Variants in DNAJC3 observed in about 807,000 individuals in gnomAD.
DNAJC3 encodes the protein dnaJ homolog subfamily C member 3.
A neutral mutation model predicts 68.6 loss-of-function variants in DNAJC3; 38 were observed. The observed-to-expected ratio is 0.55, with a 90% CI of 0.43 to 0.73. The LOEUF is 0.73. DNAJC3 is among the 30% of genes least tolerant of loss of function. The pLI, the probability that DNAJC3 is intolerant of heterozygous loss-of-function variation, is 0.00. For synonymous variants in DNAJC3, 203 were observed against 204.0 expected (o/e 1.00, Z 0.04); for missense variants, 526 against 591.9 (o/e 0.89, Z 1.16).
At chr13:95,770,801 CGAG>C (rs890571548) in intron 9 of DNAJC3, among the ~76,000 whole-genome samples, 2 of 152,152 alleles carry the variant, frequency 1.3e-5, no homozygotes, top group African/African-American at 4.8e-5. Context: ...GGGCTCATAA[CGAG>C]GCTGTATCCT....
chr13:95,701,709 A>AT (rs1880590603), intron 1 of DNAJC3, among the ~76,000 whole-genome samples: 1 of 152,102 alleles, frequency 6.6e-6, no homozygotes, highest in Non-Finnish European at 1.5e-5. Flanking sequence ...ATAAAAAATT[A>AT]TTTTTTCTCT....
intron 6 of DNAJC3, 45 bp downstream of exon 6, chr13:95,760,266 C>G: frequency 7.1e-7 from 1 of 1,413,936 alleles, no homozygotes; most frequent in Admixed American, 2.6e-5. Context: ...TAATTGTTGG[C>G]AGTAAGATTA....
At chr13:95,684,589 G>A (rs1324388536) in intron 1 of DNAJC3, among the ~76,000 whole-genome samples, 4 of 152,230 alleles carry the variant, frequency 2.6e-5, no homozygotes, top group Admixed American at 2.6e-4. Flanking sequence ...ATTTGCATAA[G>A]TAAAGAGGAG....
At chr13:95,720,926 C>A (rs183842985) in intron 2 of DNAJC3, among the ~76,000 whole-genome samples, 5 of 151,550 alleles carry the variant, frequency 3.3e-5, no homozygotes, top group Admixed American at 2.0e-4. Flanking sequence ...GAAAATTTAC[C>A]ATTTTAACCA....
intron 4 of DNAJC3, among the ~76,000 whole-genome samples, chr13:95,730,240 C>T (rs916021033): frequency 6.6e-6 from 1 of 152,170 alleles, no homozygotes. Flanking sequence ...GTGATTCTCC[C>T]ACTTTGGCCT....
At chr13:95,757,833 A>G in intron 5 of DNAJC3, 37 bp downstream of exon 5, 4 of 1,488,328 alleles carry the variant, frequency 2.7e-6, no homozygotes, top group South Asian at 1.4e-5. Context: ...CCAGCCTGAC[A>G]CTTATTGTAA....
intron 4 of DNAJC3, among the ~76,000 whole-genome samples, chr13:95,740,729 T>C (rs548514807): frequency 6.6e-6 from 1 of 152,324 alleles, no homozygotes; most frequent in East Asian, 1.9e-4. Context: ...CCTAGTGAGA[T>C]GAACCCGGTA....
intron 1 of DNAJC3, chr13:95,694,216 C>T (rs1255071821): frequency 6.6e-6 from 1 of 152,406 alleles, no homozygotes; most frequent in African/African-American, 2.4e-5. Context: ...TATTAATAAC[C>T]CTAATGATAA....
intron 2 of DNAJC3, among the ~76,000 whole-genome samples, chr13:95,722,978 G>A (rs1337617980): frequency 1.3e-5 from 2 of 151,648 alleles, no homozygotes; most frequent in African/African-American, 4.8e-5. Flanking sequence ...CTTTTTTTTG[G>A]GCAACTTTTA....
chr13:95,737,744 T>C (rs1436215731), intron 4 of DNAJC3, among the ~76,000 whole-genome samples: 11 of 148,988 alleles, frequency 7.4e-5, no homozygotes, highest in African/African-American at 2.0e-4. Flanking sequence ...TAGTGGTCTA[T>C]CAATTTTGTT....
At chr13:95,739,070 C>G (rs560221396) in intron 4 of DNAJC3, among the ~76,000 whole-genome samples, 5 of 152,114 alleles carry the variant, frequency 3.3e-5, no homozygotes, top group Admixed American at 1.3e-4. Flanking sequence ...TTTTATTTCT[C>G]CTTCACTTAT....
At chr13:95,703,628 T>C (rs1243391603) in intron 1 of DNAJC3, among the ~76,000 whole-genome samples, 1 of 152,186 alleles carries the variant, frequency 6.6e-6, no homozygotes, top group East Asian at 1.9e-4. Flanking sequence ...CATAGGCAAA[T>C]TCACAAATAC....
At chr13:95,747,785 G>C (rs1001369002) in intron 4 of DNAJC3, among the ~76,000 whole-genome samples, 2 of 152,180 alleles carry the variant, frequency 1.3e-5, no homozygotes, top group African/African-American at 4.8e-5. Context: ...TGTAGGTGGG[G>C]TAGACGTTTA....
chr13:95,692,064 ACC>A, intron 1 of DNAJC3, among the ~76,000 whole-genome samples: 3 of 150,974 alleles, frequency 2.0e-5, no homozygotes, highest in African/African-American at 7.4e-5. Context: ...GGAGAGGGAG[ACC>A]GTGGAAAGAG....
chr13:95,787,108 A>G lies in DNAJC3; in HGVS notation c.1310A>G (p.Lys437Arg). The change falls in exon 11 of 12, where the codon AAA becomes AGA. Residue 437 changes from lysine (K) to arginine (R), a missense_variant. By Grantham distance (26) the Lys-to-Arg change is conservative. Coordinates refer to ENST00000602402, the MANE Select transcript of DNAJC3 (RefSeq NM_006260.5). ...QNEEEKKKAE[K>R]KFIDIAAAKE... is the part of the protein sequence containing the mutation. The stretch of plus-strand genomic sequence containing the variant: ...GAAGAAGAAAAGAAAAAAGCTGAGA[A>G]AAAGTTCATTGATATAGCAGCTGCT... The G allele has an allele frequency of 6.2e-7, 1 of 1,614,108 alleles. No homozygotes were observed. Among genetic ancestry groups the G allele is most frequent in the Non-Finnish European group, 8.5e-7 (1 of 1,179,982 alleles).
intron 1 of DNAJC3, among the ~76,000 whole-genome samples, chr13:95,690,831 G>C (rs1593953214): frequency 7.1e-6 from 1 of 141,280 alleles, no homozygotes; most frequent in Non-Finnish European, 1.6e-5. Context: ...CAGCTGGCCG[G>C]GCAGAGGGGC....
At chr13:95,687,202 C>T (rs1880095227) in intron 1 of DNAJC3, among the ~76,000 whole-genome samples, 1 of 152,086 alleles carries the variant, frequency 6.6e-6, no homozygotes, top group Non-Finnish European at 1.5e-5. Flanking sequence ...AGAAATGCTA[C>T]AGATTTTTAT....
intron 9 of DNAJC3, among the ~76,000 whole-genome samples, chr13:95,783,218 C>G (rs2139695120): frequency 6.6e-6 from 1 of 152,236 alleles, no homozygotes; most frequent in South Asian, 2.1e-4. Flanking sequence ...ATCATCCATA[C>G]TTAGGTTTCT....
intron 9 of DNAJC3, among the ~76,000 whole-genome samples, chr13:95,780,932 A>G (rs1283989315): frequency 2.6e-5 from 4 of 152,112 alleles, no homozygotes; most frequent in Admixed American, 6.6e-5. Flanking sequence ...TTGCTAATGA[A>G]TTGGTAGGGT....
Sources: gnomAD v4.1 joint callset for allele counts (sites outside exome capture counted in the v4.1 genomes callset) on GRCh38, gnomAD v4.1.1 for gene constraint, MANE v1.5 for transcripts, NCBI Gene and HGNC (gene_info 2026-07-23, HGNC 2026-07-21) for gene names.